Variants in BAIAP2L1 observed in about 807,000 individuals in gnomAD.
The protein encoded by BAIAP2L1 is BAR/IMD domain containing adaptor protein 2 like 1.
BAIAP2L1 carries 35 observed loss-of-function variants against 66.3 expected under a neutral mutation model. That is an observed-to-expected ratio of 0.53 (90% CI 0.40 to 0.70). The LOEUF (loss-of-function observed/expected upper bound fraction) is 0.70, where lower values mean the gene tolerates loss of function less well. Among genes scored for constraint, BAIAP2L1 ranks in the 30% least tolerant of loss-of-function variants. The pLI, the probability that BAIAP2L1 is intolerant of heterozygous loss-of-function variation, is 0.00. For missense variants in BAIAP2L1, 622 were observed against 656.9 expected (o/e 0.95, Z 0.58); for synonymous variants, 269 against 248.7 (o/e 1.08, Z -0.77).
At chr7:98,372,490 AGT>A in intron 1 of BAIAP2L1, among the ~76,000 whole-genome samples, 2 of 152,282 alleles carry the variant, frequency 1.3e-5, no homozygotes, top group South Asian at 4.1e-4. Context: ...CTCAGCTAAA[AGT>A]GTAACATTTA....
At chr7:98,332,512 T>G (rs1801520623) in intron 3 of BAIAP2L1, among the ~76,000 whole-genome samples, 1 of 145,712 alleles carries the variant, frequency 6.9e-6, no homozygotes, top group Non-Finnish European at 1.5e-5. Flanking sequence ...CTCTAAAAAG[T>G]ATAACAAAGT....
chr7:98,350,865 G>GTT (rs549052923), intron 3 of BAIAP2L1, among the ~76,000 whole-genome samples: 1 of 149,438 alleles, frequency 6.7e-6, no homozygotes, highest in Non-Finnish European at 1.5e-5. Context: ...GTTTTTGTTT[G>GTT]TTTTTTTTTG....
Position 98,353,939 on chromosome 7 carries a change from G to A in BAIAP2L1, c.214+1103C>T, listed in dbSNP as rs1371453282. Among the ~76,000 whole-genome samples, 3 of 149,472 alleles carry A rather than the reference G, an allele frequency of 2.0e-5. No individual in the cohort carries two copies. The East Asian group carries it at 5.9e-4, about 29-fold the overall frequency. ...ATCGTGCCACTGCACTCCAGCCTGG[G>A]TGACAGAGCAAGACTCTGTCTCAAT... On this transcript the variant is annotated intron_variant, in intron 3 of 13. Transcript: ENST00000005260.
At chr7:98,398,848 C>A (rs1688601) in intron 1 of BAIAP2L1, among the ~76,000 whole-genome samples, 19,467 of 152,122 alleles carry the variant, frequency 0.13, 1,477 homozygotes, top group South Asian at 0.25. Flanking sequence ...AAGTTGCAAT[C>A]GCAGCTCAGA....
intron 12 of BAIAP2L1, among the ~76,000 whole-genome samples, chr7:98,299,822 C>T (rs1038969165): frequency 2.0e-5 from 3 of 152,106 alleles, no homozygotes; most frequent in Non-Finnish European, 4.4e-5. Context: ...GGGAGGATCA[C>T]CTGAGATCAG....
rs574480274 is a variant in BAIAP2L1 at position 98,314,135 on chromosome 7, A to G, written c.639+1325T>C. ...TGAGTAGCTGGGATTACAGGTGCTC[A>G]CCACATGTGATTAATTTTTGTATTT... On this transcript the variant is annotated intron_variant, in intron 7 of 13. Transcript: ENST00000005260. Among the ~76,000 whole-genome samples, 167 of 151,420 alleles carry G rather than the reference A, an allele frequency of 1.1e-3. 1 individual carries two copies. Among genetic ancestry groups the G allele is most frequent in the Non-Finnish European group, 2.0e-3 (136 of 67,860 alleles).
chr7:98,398,108 G>A (rs1803259901), intron 1 of BAIAP2L1, among the ~76,000 whole-genome samples: 1 of 152,002 alleles, frequency 6.6e-6, no homozygotes, highest in African/African-American at 2.4e-5. Flanking sequence ...ACCCATACTA[G>A]CAAGTCATTA....
At chr7:98,324,617 G>A (rs1299953641) in intron 3 of BAIAP2L1, among the ~76,000 whole-genome samples, 1 of 152,110 alleles carries the variant, frequency 6.6e-6, no homozygotes, top group East Asian at 1.9e-4. Flanking sequence ...TCGGGTTCAG[G>A]CGGGAGGATC....
chr7:98,307,697 C>T lies in BAIAP2L1; in HGVS notation c.1155G>A (p.Val385=), dbSNP rs1490056705. 8 of 1,614,024 alleles carry T rather than the reference C, an allele frequency of 5.0e-6. No individual in the cohort carries two copies. Among genetic ancestry groups the T allele is most frequent in the Admixed American group, 1.7e-5 (1 of 60,028 alleles). Residue 385 remains valine, a synonymous_variant, in exon 10 of 14, where the codon GTG becomes GTA. Transcript: ENST00000005260. ...KDGWLYGEHD[V]SKARGWFPSS... ...ATCACGCCCAGACTTACGCCTTGGA[C>T]ACGTCGTGTTCTCCATAGAGCCAGC... is the stretch of plus-strand genomic sequence containing the variant.
chr7:98,353,976 A>AGTCTC (rs1802064022), intron 3 of BAIAP2L1, among the ~76,000 whole-genome samples: 1 of 60,488 alleles, frequency 1.7e-5, no homozygotes, highest in Admixed American at 1.8e-4. Flanking sequence ...AAATAAAATA[A>AGTCTC]AATAAAATAA....
intron 1 of BAIAP2L1, among the ~76,000 whole-genome samples, chr7:98,387,877 A>T (rs1802934199): frequency 7.1e-6 from 1 of 140,508 alleles, no homozygotes; most frequent in African/African-American, 2.5e-5. Context: ...TCAAAACAAA[A>T]CAAAACAACA....
intron 1 of BAIAP2L1, among the ~76,000 whole-genome samples, chr7:98,397,318 CTTTTTTTTT>C (rs36101597): frequency 1.9e-4 from 14 of 74,498 alleles, no homozygotes; most frequent in Admixed American, 1.5e-3. Flanking sequence ...TTCTTAAGCC[CTTTTTTTTT>C]TTTTTTTTTT....
intron 1 of BAIAP2L1, among the ~76,000 whole-genome samples, chr7:98,368,307 T>C (rs2115750434): frequency 6.6e-6 from 1 of 152,234 alleles, no homozygotes; most frequent in Middle Eastern, 3.4e-3. Context: ...TAATCCCAGC[T>C]GCTCAGGAGG....
chr7:98,335,854 G>A (rs1801606395), intron 3 of BAIAP2L1, among the ~76,000 whole-genome samples: 2 of 152,084 alleles, frequency 1.3e-5, no homozygotes, highest in South Asian at 2.1e-4. Context: ...TCCTGTCCAG[G>A]TTTTACAGAA....
At chr7:98,355,361 T>G in intron 2 of BAIAP2L1, 1 of 532,962 alleles carries the variant, frequency 1.9e-6, no homozygotes, top group Non-Finnish European at 3.4e-6. Flanking sequence ...CGGGGAACCT[T>G]CAGCAGCAGG....
intron 11 of BAIAP2L1, among the ~76,000 whole-genome samples, chr7:98,306,217 C>T (rs184238542): frequency 4.5e-4 from 69 of 152,196 alleles, no homozygotes; most frequent in African/African-American, 1.5e-3. Context: ...TGCAGGACTG[C>T]GAGGAGTAGG....
intron 7 of BAIAP2L1, 77 bp from the exon 8 acceptor site, chr7:98,312,341 C>A (rs891019034): frequency 4.8e-6 from 7 of 1,447,982 alleles, no homozygotes; most frequent in Non-Finnish European, 6.5e-6. Context: ...CACGTCATAT[C>A]GCTGATAACA....
intron 2 of BAIAP2L1, among the ~76,000 whole-genome samples, chr7:98,360,625 GAA>G (rs879620941): frequency 9.2e-6 from 1 of 108,294 alleles, no homozygotes; most frequent in African/African-American, 3.4e-5. Context: ...ATGCTAGAAA[GAA>G]AAAAAAAAAA....
At chr7:98,329,027 A>G (rs568480401) in intron 3 of BAIAP2L1, among the ~76,000 whole-genome samples, 20 of 152,264 alleles carry the variant, frequency 1.3e-4, no homozygotes, top group African/African-American at 3.6e-4. Context: ...AAGTGCTGAC[A>G]TTTCTCCTAT....
Sources: allele counts gnomAD v4.1 joint callset (sites outside exome capture counted in the v4.1 genomes callset), GRCh38; gene constraint gnomAD v4.1.1; transcripts MANE v1.5; gene names NCBI Gene and HGNC (gene_info 2026-07-23, HGNC 2026-07-21).